GPR158: variants seen among roughly 807,000 people sequenced by gnomAD.
The protein encoded by GPR158 is G protein-coupled receptor 158.
A neutral mutation model predicts 78.2 loss-of-function variants in GPR158; 30 were observed. That is an observed-to-expected ratio of 0.38 (90% CI 0.29 to 0.52). The LOEUF (loss-of-function observed/expected upper bound fraction) is 0.52, where lower values mean the gene tolerates loss of function less well. Among genes scored for constraint, GPR158 ranks in the 20% least tolerant of loss-of-function variants. GPR158 has a pLI of 0.83. For missense variants in GPR158, 1,463 were observed against 1,523.5 expected, an observed-to-expected ratio of 0.96 and a Z score of 0.66; for synonymous variants, 581 against 591.1, an observed-to-expected ratio of 0.98 and a Z score of 0.25.
Position 25,551,640 on chromosome 10 carries a change from C to A in GPR158, c.1514+555C>A, listed in dbSNP as rs148419772. Among the ~76,000 whole-genome samples, 428 of 152,244 alleles carry A rather than the reference C, an allele frequency of 2.8e-3. 2 individuals are homozygous for A. The highest frequency in any genetic ancestry group is 9.9e-3 in the African/African-American group (411 of 41,548). On this transcript the variant is annotated intron_variant, in intron 6 of 10. Coordinates refer to ENST00000376351, the MANE Select transcript of GPR158 (RefSeq NM_020752.3). ...AAGTTCCCTAATACTTAGTTCTAAA[C>A]CACCTAAATATTGGGGTGGGGCAGG...
At chr10:25,244,173 T>G (rs1853659731) in intron 2 of GPR158, 1 of 152,180 alleles carries the variant, frequency 6.6e-6, no homozygotes. Flanking sequence ...CCTTTCTTGG[T>G]TAATAATCAA....
intron 1 of GPR158, among the ~76,000 whole-genome samples, chr10:25,203,011 G>A (rs1056855232): frequency 6.6e-5 from 10 of 152,116 alleles, no homozygotes; most frequent in African/African-American, 2.4e-4. Flanking sequence ...GCCAGTGATG[G>A]TGAGCATTTT....
chr10:25,582,904 T>C (rs1197157455), intron 7 of GPR158, among the ~76,000 whole-genome samples: 1 of 152,226 alleles, frequency 6.6e-6, no homozygotes, highest in East Asian at 1.9e-4. Flanking sequence ...AATTAATGTA[T>C]CAGCTGTTCT....
At chr10:25,459,033 A>G (rs1303008634) in intron 4 of GPR158, among the ~76,000 whole-genome samples, 2 of 152,210 alleles carry the variant, frequency 1.3e-5, no homozygotes, top group Non-Finnish European at 2.9e-5. Flanking sequence ...TTCAAACTGG[A>G]TATAGTCTAT....
chr10:25,493,670 A>G (rs1293264893), intron 5 of GPR158, among the ~76,000 whole-genome samples: 1 of 152,206 alleles, frequency 6.6e-6, no homozygotes, highest in Non-Finnish European at 1.5e-5. Context: ...TTAGTGACTC[A>G]TCTGTTACAA....
At chr10:25,530,616 TCC>T (rs1836411055) in intron 5 of GPR158, among the ~76,000 whole-genome samples, 1 of 152,210 alleles carries the variant, frequency 6.6e-6, no homozygotes, top group South Asian at 2.1e-4. Flanking sequence ...ACAAAGCTGA[TCC>T]ATTATCCAGA....
chr10:25,425,891 C>G (rs910083845), intron 4 of GPR158, among the ~76,000 whole-genome samples: 1 of 152,090 alleles, frequency 6.6e-6, no homozygotes, highest in Non-Finnish European at 1.5e-5. Context: ...AGATTGTGCT[C>G]TATTTCACTC....
intron 2 of GPR158, among the ~76,000 whole-genome samples, chr10:25,246,344 G>T (rs558637585): frequency 1.2e-4 from 18 of 152,232 alleles, no homozygotes; most frequent in African/African-American, 3.4e-4. Context: ...CATTTTCTGT[G>T]TGTATCTGCA....
intron 1 of GPR158, among the ~76,000 whole-genome samples, chr10:25,212,317 TG>T (rs1465270863): frequency 6.6e-6 from 1 of 152,096 alleles, no homozygotes; most frequent in Non-Finnish European, 1.5e-5. Flanking sequence ...GCGTCTTACA[TG>T]GGAGGAGCGA....
chr10:25,458,850 T>G (rs1487638280), intron 4 of GPR158, among the ~76,000 whole-genome samples: 1 of 152,216 alleles, frequency 6.6e-6, no homozygotes, highest in Admixed American at 6.5e-5. Context: ...ACCTTATCTC[T>G]TCATTTTTAT....
At chr10:25,315,624 G>T (rs1854835914) in intron 2 of GPR158, among the ~76,000 whole-genome samples, 1 of 140,368 alleles carries the variant, frequency 7.1e-6, no homozygotes, top group African/African-American at 3.2e-5. Context: ...AATTTATATT[G>T]TTATAATTCT....
chr10:25,240,931 A>G (rs1172944536), intron 2 of GPR158, among the ~76,000 whole-genome samples: 2 of 152,156 alleles, frequency 1.3e-5, no homozygotes, highest in Non-Finnish European at 2.9e-5. Flanking sequence ...TTGGCTGCTA[A>G]GATGTTGACT....
chr10:25,179,745 T>C (rs987179268), intron 1 of GPR158, among the ~76,000 whole-genome samples: 1 of 152,192 alleles, frequency 6.6e-6, no homozygotes, highest in Non-Finnish European at 1.5e-5. Flanking sequence ...ACTAAGAATT[T>C]CTTGAGTCTT....
At chr10:25,553,882 C>T (rs1315222894) in intron 6 of GPR158, among the ~76,000 whole-genome samples, 4 of 152,182 alleles carry the variant, frequency 2.6e-5, no homozygotes, top group East Asian at 1.9e-4. Context: ...TTTTCTCATC[C>T]GTAAGATGGT....
At chr10:25,187,589 A>G (rs766634041) in intron 1 of GPR158, among the ~76,000 whole-genome samples, 1,899 of 152,346 alleles carry the variant, frequency 0.012, 23 homozygotes, top group Middle Eastern at 0.048. Context: ...ACAGCCCTTC[A>G]TGCTAAAAAC....
intron 6 of GPR158, among the ~76,000 whole-genome samples, chr10:25,560,909 G>A (rs1425852868): frequency 6.6e-6 from 1 of 151,946 alleles, no homozygotes; most frequent in Non-Finnish European, 1.5e-5. Flanking sequence ...AGAGAAAACA[G>A]ATTCAAAAAG....
In GPR158 at chr10:25,258,937, A is replaced by G. The variant is rs565294631; in HGVS notation, c.1008+37780A>G. 2.0e-4 allele frequency among the ~76,000 whole-genome samples: 31 copies of G among 152,332 alleles called. No individual in the cohort carries two copies. The South Asian group carries it at 2.1e-3, about 10-fold the overall frequency. Reference sequence around the variant, plus strand: ...CCGTATGCATATAATAAAGTAAGCTAGAGAAAAGAAAATGTTACTAGGCAA... The same window carrying G: ...CCGTATGCATATAATAAAGTAAGCTGGAGAAAAGAAAATGTTACTAGGCAA... On this transcript the variant is annotated intron_variant, in intron 2 of 10. Coordinates refer to ENST00000376351, the MANE Select transcript of GPR158 (RefSeq NM_020752.3).
At chr10:25,417,168 G>C (rs913398367) in intron 4 of GPR158, among the ~76,000 whole-genome samples, 2 of 152,150 alleles carry the variant, frequency 1.3e-5, no homozygotes, top group African/African-American at 4.8e-5. Flanking sequence ...AAAATGTAGT[G>C]AATGATGAGC....
chr10:25,241,311 T>TTTCTCTTCTC (rs760852108), intron 2 of GPR158, among the ~76,000 whole-genome samples: 2,185 of 104,442 alleles, frequency 0.021, 169 homozygotes, highest in African/African-American at 0.074. Context: ...TTTCTTTTCT[T>TTTCTCTTCTC]TTCTCTTCTC....
Sources: gnomAD v4.1 joint callset for allele counts (sites outside exome capture counted in the v4.1 genomes callset) on GRCh38, gnomAD v4.1.1 for gene constraint, MANE v1.5 for transcripts, NCBI Gene and HGNC (gene_info 2026-07-23, HGNC 2026-07-21) for gene names.